The following RNF38 variants were observed in gnomAD, a reference collection of about 807,000 sequenced individuals.
The protein encoded by RNF38 is ring finger protein 38, also known as E3 ubiquitin-protein ligase RNF38.
Under a neutral mutation model 67.2 loss-of-function variants are expected in RNF38, and 15 were observed. The ratio of observed to expected loss-of-function variants is 0.22; its 90% confidence interval spans 0.15 to 0.34. The LOEUF is 0.34. Among genes scored for constraint, RNF38 ranks in the 10% least tolerant of loss-of-function variants. The pLI is 1.00. For missense variants in RNF38, 524 were observed against 639.9 expected (o/e 0.82, Z 1.95); for synonymous variants, 220 against 218.8 (o/e 1.01, Z -0.05).
At chr9:36,468,241 TAA>T (rs201229836) in intron 1 of RNF38, among the ~76,000 whole-genome samples, 21 of 132,598 alleles carry the variant, frequency 1.6e-4, no homozygotes, top group Admixed American at 4.6e-4. Context: ...TGTTCTGTCT[TAA>T]AAAAAAAAAA....
chr9:36,476,809 T>C (rs912614250), intron 1 of RNF38, among the ~76,000 whole-genome samples: 4 of 152,096 alleles, frequency 2.6e-5, no homozygotes, highest in African/African-American at 9.7e-5. Context: ...ATTATAGCTG[T>C]TTCCTAATCC....
chr9:36,372,349 TCTTG>T, intron 3 of RNF38: 2 of 550,154 alleles, frequency 3.6e-6, no homozygotes, highest in Non-Finnish European at 6.5e-6. Flanking sequence ...TAAAATTCGA[TCTTG>T]CTTGTTCTAT....
chr9:36,390,597 G>A lies in RNF38; in HGVS notation c.32C>T (p.Ser11Leu). Reference sequence around the variant, plus strand: ...GTTAGGATGGCCAGGTAGAGATGCTGAATTGGCCCCGGGAGATATCTGGGA... The same window carrying A: ...GTTAGGATGGCCAGGTAGAGATGCTAAATTGGCCCCGGGAGATATCTGGGA... MACKISPGANSASLPGHPNKV... is the reference protein window; with the variant it reads MACKISPGANLASLPGHPNKV... The change falls in exon 2 of 12, where the codon TCA becomes TTA. Residue 11 changes from serine to leucine, a missense_variant. Around this residue, in one of 2 missense-constraint regions of RNF38, gnomAD observed 461 missense variants for 517.4 expected, o/e 0.89. Transcript: ENST00000259605. The A allele has an allele frequency of 6.2e-7, 1 of 1,614,088 alleles. No homozygotes were observed. The highest frequency in any genetic ancestry group is 8.5e-7 in the Non-Finnish European group (1 of 1,179,974).
chr9:36,437,658 C>T (rs1839101153), intron 1 of RNF38, among the ~76,000 whole-genome samples: 1 of 152,094 alleles, frequency 6.6e-6, no homozygotes, highest in Non-Finnish European at 1.5e-5. Flanking sequence ...AAATATGGTC[C>T]TTACCTTTAA....
chr9:36,355,560 T>C (rs1373888978), intron 6 of RNF38, among the ~76,000 whole-genome samples: 1 of 152,186 alleles, frequency 6.6e-6, no homozygotes, highest in East Asian at 1.9e-4. Flanking sequence ...TTTCCTTGCC[T>C]AAATGAATAC....
chr9:36,397,988 G>A (rs532255851), intron 1 of RNF38, among the ~76,000 whole-genome samples: 5 of 152,066 alleles, frequency 3.3e-5, no homozygotes, highest in African/African-American at 4.8e-5. Context: ...CACACACGGC[G>A]CACACACATA....
intron 2 of RNF38, among the ~76,000 whole-genome samples, chr9:36,382,545 T>TTA (rs1344286416): frequency 3.9e-5 from 6 of 152,144 alleles, no homozygotes; most frequent in South Asian, 4.1e-4. Context: ...TATCTTGGGT[T>TTA]TATATATATA....
At chr9:36,401,123 C>T (rs2134159895), upstream of RNF38, 1 of 985,160 alleles carries the variant, frequency 1.0e-6, no homozygotes, top group Non-Finnish European at 1.2e-6. Context: ...CGCCAGACCA[C>T]CGGAGCGCTC....
intron 1 of RNF38, among the ~76,000 whole-genome samples, chr9:36,472,287 T>G (rs1301807833): frequency 6.6e-6 from 1 of 152,220 alleles, no homozygotes; most frequent in Admixed American, 6.6e-5. Flanking sequence ...CTGTATAGAA[T>G]CAATGTCTTC....
intron 2 of RNF38, 136 bp from the exon 3 acceptor site, chr9:36,376,263 T>C (rs570954722): frequency 7.8e-5 from 49 of 628,044 alleles, no homozygotes; most frequent in East Asian, 6.7e-4. Context: ...ATGCTATCAA[T>C]TCAAATTTAA....
chr9:36,357,094 A>G (rs972118660), intron 5 of RNF38, among the ~76,000 whole-genome samples: 3 of 152,160 alleles, frequency 2.0e-5, no homozygotes, highest in African/African-American at 7.2e-5. Flanking sequence ...CTTTGAAGAC[A>G]TTGTTGACCT....
intron 1 of RNF38, among the ~76,000 whole-genome samples, chr9:36,484,468 C>A: frequency 6.6e-6 from 1 of 152,146 alleles, no homozygotes; most frequent in East Asian, 1.9e-4. Context: ...TTTCAAACAT[C>A]TGAAAAATAT....
chr9:36,443,302 G>A (rs1256208105), intron 1 of RNF38, among the ~76,000 whole-genome samples: 1 of 152,164 alleles, frequency 6.6e-6, no homozygotes, highest in Non-Finnish European at 1.5e-5. Context: ...CAGGATGAGA[G>A]AAATGTCTGT....
intron 1 of RNF38, among the ~76,000 whole-genome samples, chr9:36,469,785 GGC>G (rs1839954350): frequency 6.6e-6 from 1 of 152,156 alleles, no homozygotes; most frequent in Non-Finnish European, 1.5e-5. Context: ...AGACCAGCCT[GGC>G]CAACATGGCG....
Position 36,482,617 on chromosome 9 carries a change from T to A in RNF38, n.241+4691A>T, listed in dbSNP as rs1042085775. Among the ~76,000 whole-genome samples the A allele has an allele frequency of 5.6e-4, 86 of 152,308 alleles. 1 individual carries two copies. The highest frequency in any genetic ancestry group is 1.9e-3 in the African/African-American group (77 of 41,570). On this transcript the variant is annotated intron_variant and non_coding_transcript_variant, in intron 1 of 3. Coordinates refer to the RNF38 transcript ENST00000488058. ...ATCCACCCACCTCGGCCTCCCAAAGTGCTGGGATTATAAGCGTGAGCCACT... is the reference window on the plus strand; with the variant it reads ...ATCCACCCACCTCGGCCTCCCAAAGAGCTGGGATTATAAGCGTGAGCCACT...
intron 2 of RNF38, among the ~76,000 whole-genome samples, chr9:36,420,726 T>C (rs554834838): frequency 6.6e-6 from 1 of 152,264 alleles, no homozygotes; most frequent in South Asian, 2.1e-4. Context: ...ATCTAGAACA[T>C]TGCTCTGTAT....
At chr9:36,376,265 C>A in intron 2 of RNF38, 138 bp from the exon 3 acceptor site, 3 of 620,164 alleles carry the variant, frequency 4.8e-6, no homozygotes, top group Middle Eastern at 4.4e-4. Context: ...GCTATCAATT[C>A]AAATTTAAAA....
chr9:36,391,518 TAG>T (rs1248963844), intron 1 of RNF38, among the ~76,000 whole-genome samples: 1 of 152,208 alleles, frequency 6.6e-6, no homozygotes, highest in Non-Finnish European at 1.5e-5. Flanking sequence ...GTCTTCTTTT[TAG>T]AGTTTCATTG....
At chr9:36,424,884 G>GGAGT (rs1838728510) in intron 1 of RNF38, among the ~76,000 whole-genome samples, 1 of 152,116 alleles carries the variant, frequency 6.6e-6, no homozygotes, top group South Asian at 2.1e-4. Flanking sequence ...GACCAGTTAG[G>GGAGT]GAGTGGCAGG....
Sources: gnomAD v4.1 joint callset for allele counts (sites outside exome capture counted in the v4.1 genomes callset) on GRCh38, gnomAD v4.1.1 for gene constraint, gnomAD v4.1.1 regional missense constraint, MANE v1.5 for transcripts, NCBI Gene and HGNC (gene_info 2026-07-23, HGNC 2026-07-21) for gene names.